Variants in UGGT2 observed in about 807,000 individuals in gnomAD.
The protein encoded by UGGT2 is UDP-glucose glycoprotein glucosyltransferase 2.
UGGT2 carries 180 observed loss-of-function variants against 192.1 expected under a neutral mutation model. The observed-to-expected ratio is 0.94, with a 90% CI of 0.83 to 1.06. The LOEUF (loss-of-function observed/expected upper bound fraction) is 1.06, where lower values mean the gene tolerates loss of function less well. Ranked by LOEUF, UGGT2 falls within the 50% of genes least tolerant of loss-of-function variation. The pLI is 0.00. For missense variants in UGGT2, 1,849 were observed against 1,795.7 expected (o/e 1.03, Z -0.54); for synonymous variants, 580 against 591.0 (o/e 0.98, Z 0.27).
chr13:95,862,098 T>C (rs780775678), intron 31 of UGGT2, among the ~76,000 whole-genome samples: 6 of 152,154 alleles, frequency 3.9e-5, no homozygotes, highest in Non-Finnish European at 5.9e-5. Context: ...CTGTCAAACA[T>C]ACCTACCCTC....
At chr13:95,850,570 G>A (rs921545257) in intron 36 of UGGT2, among the ~76,000 whole-genome samples, 6 of 152,242 alleles carry the variant, frequency 3.9e-5, no homozygotes, top group African/African-American at 1.4e-4. Flanking sequence ...GAGTAGACAT[G>A]CTGGCAGAGA....
intron 1 of UGGT2, among the ~76,000 whole-genome samples, chr13:96,035,254 A>C (rs1034934939): frequency 6.6e-6 from 1 of 152,182 alleles, no homozygotes; most frequent in African/African-American, 2.4e-5. Context: ...ACTCAGAAAT[A>C]AGACTGCACA....
intron 1 of UGGT2, among the ~76,000 whole-genome samples, chr13:96,046,685 A>T (rs1488646732): frequency 6.6e-6 from 1 of 152,236 alleles, no homozygotes; most frequent in African/African-American, 2.4e-5. Flanking sequence ...CCTCACCCGG[A>T]AAGTGCAAGA....
chr13:95,837,027 T>C, intron 37 of UGGT2, 59 bp downstream of exon 37: 2 of 1,287,700 alleles, frequency 1.6e-6, no homozygotes, highest in Non-Finnish European at 2.3e-6. Context: ...AGAAAGAAAA[T>C]ATTTCTATTT....
At chr13:96,043,776 C>T (rs895989980) in intron 1 of UGGT2, among the ~76,000 whole-genome samples, 2 of 152,034 alleles carry the variant, frequency 1.3e-5, no homozygotes, top group Non-Finnish European at 2.9e-5. Flanking sequence ...CAAAGAGGGA[C>T]ATTATATAAT....
At chr13:96,041,329 C>A (rs555094997) in intron 1 of UGGT2, among the ~76,000 whole-genome samples, 6 of 152,250 alleles carry the variant, frequency 3.9e-5, no homozygotes, top group African/African-American at 1.4e-4. Context: ...GAGGAAGCAG[C>A]AGGAAAAGCC....
At chr13:95,911,430 A>G (rs1326219598) in intron 20 of UGGT2, among the ~76,000 whole-genome samples, 1 of 152,232 alleles carries the variant, frequency 6.6e-6, no homozygotes, top group Non-Finnish European at 1.5e-5. Context: ...AGAAATACAA[A>G]CTACCATCAG....
At chr13:95,937,814 A>G (rs2049516325) in intron 16 of UGGT2, among the ~76,000 whole-genome samples, 1 of 152,230 alleles carries the variant, frequency 6.6e-6, no homozygotes, top group African/African-American at 2.4e-5. Context: ...AGGAGAATAT[A>G]GCAAGGGAAG....
intron 1 of UGGT2, among the ~76,000 whole-genome samples, chr13:96,035,652 T>C (rs1343984663): frequency 2.0e-5 from 3 of 152,132 alleles, no homozygotes; most frequent in African/African-American, 2.4e-5. Context: ...ATTTCTGCAA[T>C]GTATCCATCT....
intron 5 of UGGT2, among the ~76,000 whole-genome samples, chr13:96,009,291 T>A (rs2052080803): frequency 6.6e-6 from 1 of 152,184 alleles, no homozygotes; most frequent in African/African-American, 2.4e-5. Context: ...GGCAAAGATT[T>A]CATGACGAAG....
intron 37 of UGGT2, among the ~76,000 whole-genome samples, chr13:95,836,611 T>A (rs528268255): frequency 4.1e-4 from 63 of 152,316 alleles, no homozygotes; most frequent in Non-Finnish European, 8.4e-4. Flanking sequence ...CAGTGCTATA[T>A]GGTCACCAGC....
intron 10 of UGGT2, among the ~76,000 whole-genome samples, chr13:95,982,646 TAA>T (rs1491360411): frequency 6.6e-6 from 1 of 152,092 alleles, no homozygotes; most frequent in African/African-American, 2.4e-5. Context: ...CTCTCTCTCA[TAA>T]GAGAGAGAGA....
intron 1 of UGGT2, among the ~76,000 whole-genome samples, chr13:96,043,438 C>T (rs2053221201): frequency 6.6e-6 from 1 of 151,916 alleles, no homozygotes; most frequent in Non-Finnish European, 1.5e-5. Flanking sequence ...TCTCGCAGGA[C>T]CTATAAAACA....
At chr13:95,820,202 G>T (rs1885361464) in intron 38 of UGGT2, among the ~76,000 whole-genome samples, 1 of 151,584 alleles carries the variant, frequency 6.6e-6, no homozygotes, top group Non-Finnish European at 1.5e-5. Flanking sequence ...TTTTAAAGGG[G>T]ATACTTTTTA....
Position 96,053,188 on chromosome 13 carries a change from T to C in UGGT2, c.125A>G (p.Lys42Arg). Reference protein sequence around the residue: ...SKSVTAHLAAKWPETPLLLEA... With the variant: ...SKSVTAHLAARWPETPLLLEA... ...CAGCAGCAGCGGGGTCTCGGGCCAC[T>C]TCGCGGCCAAGTGGGCAGTCACCGA... The change falls in exon 1 of 39, where the codon AAG (lysine) becomes AGG (arginine). Residue 42 changes from lysine to arginine, a missense_variant. By Grantham distance (26) the Lys-to-Arg change is conservative. Coordinates refer to ENST00000376747, the MANE Select transcript of UGGT2 (RefSeq NM_020121.4). 2.6e-6 allele frequency: 4 copies of C among 1,522,862 alleles called. No individual in the cohort carries two copies. Among genetic ancestry groups the C allele is most frequent in the Non-Finnish European group, 3.5e-6 (4 of 1,141,496 alleles). The allele number at this position is 1,522,862 out of a possible 1,614,324, so 94.3% of individuals were successfully genotyped here. A position where few individuals can be genotyped will look rare whatever the true frequency, so the allele number is the denominator to read the frequency against.
intron 36 of UGGT2, among the ~76,000 whole-genome samples, chr13:95,848,060 G>A (rs1888652683): frequency 6.6e-6 from 1 of 152,194 alleles, no homozygotes. Context: ...GATATATGAT[G>A]TGGAGCATCT....
chr13:96,052,775 T>C (rs1436054777), intron 1 of UGGT2, among the ~76,000 whole-genome samples: 2 of 152,212 alleles, frequency 1.3e-5, no homozygotes, highest in African/African-American at 4.8e-5. Context: ...GCCTAGGAGC[T>C]GATGGTATGA....
chr13:95,930,999 G>A (rs560260421), intron 17 of UGGT2, among the ~76,000 whole-genome samples: 12 of 152,274 alleles, frequency 7.9e-5, no homozygotes, highest in South Asian at 4.1e-4. Flanking sequence ...GGACCCAAGC[G>A]GGTTGCCACG....
At chr13:95,966,770 CAGA>C (rs989964586) in intron 12 of UGGT2, among the ~76,000 whole-genome samples, 5 of 152,152 alleles carry the variant, frequency 3.3e-5, no homozygotes, top group East Asian at 1.9e-4. Context: ...TTGGAATTCA[CAGA>C]AGAACATGAT....
Sources: gnomAD v4.1 joint callset for allele counts (sites outside exome capture counted in the v4.1 genomes callset) on GRCh38, gnomAD v4.1.1 for gene constraint, MANE v1.5 for transcripts, NCBI Gene and HGNC (gene_info 2026-07-23, HGNC 2026-07-21) for gene names.